Variants in FANCC observed in about 807,000 individuals in gnomAD.
FANCC encodes Fanconi anemia group C protein.
Under a neutral mutation model 71.3 loss-of-function variants are expected in FANCC, and 55 were observed. That is an observed-to-expected ratio of 0.77 (90% CI 0.62 to 0.97). The LOEUF is 0.97. FANCC is among the 50% of genes least tolerant of loss of function. FANCC has a pLI of 0.00. For synonymous variants in FANCC, 275 were observed against 244.9 expected (o/e 1.12, Z -1.15); for missense variants, 678 against 670.9 (o/e 1.01, Z -0.12).
chr9:95,254,450 G>A (rs1005179370), intron 1 of FANCC, among the ~76,000 whole-genome samples: 1 of 152,172 alleles, frequency 6.6e-6, no homozygotes, highest in African/African-American at 2.4e-5. Context: ...CAGGTGGGGT[G>A]TCACCTCACC....
At chr9:95,290,184 A>G (rs569934523) in intron 1 of FANCC, among the ~76,000 whole-genome samples, 1 of 152,264 alleles carries the variant, frequency 6.6e-6, no homozygotes, top group South Asian at 2.1e-4. Flanking sequence ...AACCATATAA[A>G]ACCCCATTAG....
chr9:95,266,334 T>G (rs1001072363), intron 1 of FANCC, among the ~76,000 whole-genome samples: 1 of 152,212 alleles, frequency 6.6e-6, no homozygotes, highest in Non-Finnish European at 1.5e-5. Flanking sequence ...TGATCAATGA[T>G]GCAGTCATTG....
In FANCC at chr9:95,120,446, G is replaced by A. The variant is rs547170443; in HGVS notation, c.997-3056C>T. On this transcript the variant is annotated intron_variant, in intron 10 of 14. Transcript: ENST00000289081. Reference sequence around the variant, plus strand: ...TTTTTTTTTTTTAAGACAGCATCTCGCCCTGTCTTCCAGGCTGGAGTGCAG... The same window carrying A: ...TTTTTTTTTTTTAAGACAGCATCTCACCCTGTCTTCCAGGCTGGAGTGCAG... Among the ~76,000 whole-genome samples, 5 of 144,256 alleles carry A rather than the reference G, an allele frequency of 3.5e-5. No homozygotes were observed. In the South Asian group the frequency reaches 6.6e-4, roughly 19 times the overall value. 94.6% of individuals were successfully genotyped at this position (144,256 alleles called of 152,430 possible).
chr9:95,182,402 C>A (rs1826430655), intron 4 of FANCC, among the ~76,000 whole-genome samples: 1 of 152,082 alleles, frequency 6.6e-6, no homozygotes, highest in African/African-American at 2.4e-5. Context: ...TGCCTTTAGT[C>A]CCAGCTACTC....
intron 6 of FANCC, among the ~76,000 whole-genome samples, chr9:95,155,079 C>T (rs1327351324): frequency 2.0e-5 from 3 of 149,824 alleles, no homozygotes; most frequent in Admixed American, 1.3e-4. Context: ...TGGTGGCACA[C>T]GCCTGTAGTC....
At chr9:95,314,429 G>A (rs529324851) in intron 1 of FANCC, among the ~76,000 whole-genome samples, 4 of 152,106 alleles carry the variant, frequency 2.6e-5, no homozygotes, top group Admixed American at 6.5e-5. Context: ...CGAGGCAGGC[G>A]GGTCACGAGG....
intron 1 of FANCC, among the ~76,000 whole-genome samples, chr9:95,302,883 G>C (rs571749828): frequency 1.3e-5 from 2 of 152,350 alleles, no homozygotes; most frequent in South Asian, 4.1e-4. Flanking sequence ...TATAGACTCA[G>C]TATGCATATG....
At chr9:95,260,442 G>C (rs1412497258) in intron 1 of FANCC, among the ~76,000 whole-genome samples, 1 of 152,096 alleles carries the variant, frequency 6.6e-6, no homozygotes, top group Non-Finnish European at 1.5e-5. Flanking sequence ...CACAGGAACA[G>C]AAAACCAAAC....
chr9:95,133,657 GC>G (rs1223697721), intron 8 of FANCC, among the ~76,000 whole-genome samples: 1 of 152,212 alleles, frequency 6.6e-6, no homozygotes, highest in African/African-American at 2.4e-5. Flanking sequence ...TGGAAAAAAG[GC>G]AATGGGACTA....
intron 4 of FANCC, among the ~76,000 whole-genome samples, chr9:95,187,609 T>C (rs356674): frequency 0.23 from 34,125 of 151,106 alleles, 3,720 homozygotes; most frequent in Middle Eastern, 0.32. Context: ...CTAGAATCTG[T>C]TCTTCCAACA....
At position 95,111,497 on chromosome 9, in the gene FANCC, G is replaced by A; in HGVS notation, c.1295C>T (p.Pro432Leu). 1 of 1,613,950 alleles carries A rather than the reference G, an allele frequency of 6.2e-7. No individual in the cohort carries two copies. The highest frequency in any genetic ancestry group is 8.5e-7 in the Non-Finnish European group (1 of 1,180,038). ...LLWLLAFYYG[P>L]RDGRQQRAQT... The stretch of plus-strand genomic sequence containing the variant: ...TGCTCTCTGCTGCCTCCCATCACGG[G>A]GGCCGTAGTAGAAGGCCAAGAGCCA... Residue 432 changes from proline to leucine, a missense_variant, in exon 13 of 15, where the codon CCC (proline) becomes CTC (leucine). Pro to Leu is a moderately conservative substitution (Grantham distance 98). Transcript: ENST00000289081.
intron 1 of FANCC, chr9:95,293,613 A>T (rs1468559363): frequency 3.1e-6 from 5 of 1,614,066 alleles, no homozygotes; most frequent in Non-Finnish European, 4.2e-6. Flanking sequence ...ACAAAACTTT[A>T]TACCTTCTGC....
intron 12 of FANCC, among the ~76,000 whole-genome samples, 163 bp from the exon 13 acceptor site, chr9:95,111,800 C>T (rs141336087): frequency 6.6e-6 from 1 of 152,350 alleles, no homozygotes; most frequent in East Asian, 1.9e-4. Flanking sequence ...CCTGTCCAAA[C>T]GCCACTCTGC....
At chr9:95,304,522 A>C (rs1323473509) in intron 1 of FANCC, among the ~76,000 whole-genome samples, 1 of 151,584 alleles carries the variant, frequency 6.6e-6, no homozygotes, top group Non-Finnish European at 1.5e-5. Flanking sequence ...GAGGGAGGAG[A>C]TCATTTGAGC....
chr9:95,181,792 T>C (rs184899156), intron 4 of FANCC, among the ~76,000 whole-genome samples: 3 of 152,310 alleles, frequency 2.0e-5, no homozygotes, highest in Non-Finnish European at 4.4e-5. Context: ...TCGATTCATG[T>C]AAAAGAATGA....
rs1564703265 is a variant in FANCC, at chr9:95,155,389, C to CA, written c.522-5303_522-5302insT. Among the ~76,000 whole-genome samples the CA allele has an allele frequency of 2.9e-3, 426 of 146,364 alleles. 6 individuals carry two copies. The highest frequency in any genetic ancestry group is 0.011 in the African/African-American group (410 of 38,954). On this transcript the variant is annotated intron_variant, in intron 6 of 14. Coordinates refer to ENST00000289081, the MANE Select transcript of FANCC (RefSeq NM_000136.3). ...AGGGAGGGAGGAAAAAGAAAATATTCGTAATAAAGGAGTTACTTCCTGCCT... is the reference window on the plus strand; with the variant it reads ...AGGGAGGGAGGAAAAAGAAAATATTCAGTAATAAAGGAGTTACTTCCTGCCT...
chr9:95,224,262 C>T (rs7854570), intron 4 of FANCC, among the ~76,000 whole-genome samples: 58,537 of 151,898 alleles, frequency 0.39, 11,888 homozygotes, highest in East Asian at 0.58. Flanking sequence ...CTAAAAAGCC[C>T]GAGAGTGAGC....
At chr9:95,106,073 A>G (rs1046055061) in intron 14 of FANCC, among the ~76,000 whole-genome samples, 10 of 152,152 alleles carry the variant, frequency 6.6e-5, no homozygotes, top group African/African-American at 2.4e-4. Flanking sequence ...CACGACGTTA[A>G]TGTCCCCACC....
At chr9:95,302,840 C>T (rs1284068916) in intron 1 of FANCC, among the ~76,000 whole-genome samples, 1 of 152,182 alleles carries the variant, frequency 6.6e-6, no homozygotes, top group Admixed American at 6.5e-5. Flanking sequence ...AGAAGCATGG[C>T]CAAATGAATA....
Sources: gnomAD v4.1 joint callset for allele counts (sites outside exome capture counted in the v4.1 genomes callset) on GRCh38, gnomAD v4.1.1 for gene constraint, MANE v1.5 for transcripts, NCBI Gene and HGNC (gene_info 2026-07-23, HGNC 2026-07-21) for gene names.